HCN1: variants seen among roughly 807,000 people sequenced by gnomAD.
HCN1 encodes the protein hyperpolarization activated cyclic nucleotide gated potassium channel 1.
Under a neutral mutation model 78.9 loss-of-function variants are expected in HCN1, and 13 were observed. The observed-to-expected ratio is 0.16, with a 90% confidence interval of 0.11 to 0.26. The LOEUF is 0.26. HCN1 is among the 10% of genes least tolerant of loss of function. The pLI is 1.00. For synonymous variants in HCN1, 552 were observed against 455.5 expected (o/e 1.21, Z -2.70); for missense variants, 810 against 1,154.3 (o/e 0.70, Z 4.32).
chr5:45,568,758 G>T (rs1743767252), intron 2 of HCN1, among the ~76,000 whole-genome samples: 1 of 151,990 alleles, frequency 6.6e-6, no homozygotes, highest in Non-Finnish European at 1.5e-5. Context: ...AAACCACTAG[G>T]TTCTTTTTTT....
intron 4 of HCN1, among the ~76,000 whole-genome samples, chr5:45,393,736 G>T (rs189894388): frequency 1.3e-5 from 2 of 152,138 alleles, no homozygotes; most frequent in African/African-American, 4.8e-5. Context: ...TGTGAAGGAC[G>T]CTTTTGGATT....
rs561760049 is a variant in HCN1 at position 45,368,658 on chromosome 5, A to C, written c.1231-15412T>G. Among the ~76,000 whole-genome samples the C allele has an allele frequency of 3.9e-5, 6 of 152,106 alleles. No individual in the cohort carries two copies. The South Asian group carries it at 1.2e-3, about 32-fold the overall frequency. ...ATCTCCACTTGGGTGTGTACTGAAG[A>C]TTTAACATTTAACGCATCCAAAGCT... On this transcript the variant is annotated intron_variant, in intron 4 of 7. Coordinates refer to ENST00000303230, the MANE Select transcript of HCN1 (RefSeq NM_021072.4).
intron 1 of HCN1, among the ~76,000 whole-genome samples, chr5:45,693,867 A>AT (rs1739957712): frequency 6.6e-6 from 1 of 152,178 alleles, no homozygotes; most frequent in African/African-American, 2.4e-5. Flanking sequence ...AAAGTTCAGC[A>AT]TTTTTGCATG....
At chr5:45,306,696 C>T (rs1259637929) in intron 5 of HCN1, among the ~76,000 whole-genome samples, 1 of 152,070 alleles carries the variant, frequency 6.6e-6, no homozygotes, top group Non-Finnish European at 1.5e-5. Flanking sequence ...TAATCAATCA[C>T]CTTTCCTTAG....
chr5:45,376,823 A>T (rs1747690947), intron 4 of HCN1, among the ~76,000 whole-genome samples: 1 of 151,938 alleles, frequency 6.6e-6, no homozygotes, highest in South Asian at 2.1e-4. Context: ...TATCTGTCAT[A>T]TATTGGTAAG....
At chr5:45,593,032 T>C (rs1375025574) in intron 2 of HCN1, among the ~76,000 whole-genome samples, 2 of 152,198 alleles carry the variant, frequency 1.3e-5, no homozygotes, top group African/African-American at 4.8e-5. Context: ...TTTAATAAAA[T>C]ATCTACTTGT....
intron 3 of HCN1, among the ~76,000 whole-genome samples, chr5:45,400,764 C>T (rs574076800): frequency 6.6e-6 from 1 of 152,204 alleles, no homozygotes; most frequent in African/African-American, 2.4e-5. Flanking sequence ...CCATTCTTCA[C>T]ATGTTTCCAT....
intron 1 of HCN1, among the ~76,000 whole-genome samples, chr5:45,656,960 T>C (rs1745773460): frequency 6.6e-6 from 1 of 152,166 alleles, no homozygotes; most frequent in South Asian, 2.1e-4. Flanking sequence ...TGTTTAAAGA[T>C]GTTATTTGAT....
chr5:45,492,392 A>AATATATATATAT (rs35781186), intron 2 of HCN1, among the ~76,000 whole-genome samples: 1,246 of 121,220 alleles, frequency 0.01, 5 homozygotes, highest in African/African-American at 0.014. Context: ...TCTTTAAATG[A>AATATATATATAT]ATATATATAT....
At chr5:45,653,174 T>C (rs376354759) in intron 1 of HCN1, among the ~76,000 whole-genome samples, 14 of 151,994 alleles carry the variant, frequency 9.2e-5, no homozygotes, top group African/African-American at 2.4e-4. Flanking sequence ...AAATGACAAC[T>C]GGGATTTCCT....
At chr5:45,288,412 G>T (rs972695064) in intron 6 of HCN1, among the ~76,000 whole-genome samples, 2 of 151,944 alleles carry the variant, frequency 1.3e-5, no homozygotes, top group African/African-American at 4.8e-5. Flanking sequence ...TGGCAAAAAA[G>T]AATACACCCT....
rs184129664 is a variant in HCN1, at chr5:45,325,221, G to T, written c.1378-21382C>A. Among the ~76,000 whole-genome samples the T allele has an allele frequency of 1.3e-4, 19 of 151,770 alleles. No individual in the cohort carries two copies. The East Asian group carries it at 3.7e-3, about 30-fold the overall frequency. On this transcript the variant is annotated intron_variant, in intron 5 of 7. Transcript: ENST00000303230. ...CAGCACCTCTGCGGACTCATTTATG[G>T]TATTTTTTCTAAATTAGCCAGGTTC...
At chr5:45,282,963 T>C (rs970930191) in intron 6 of HCN1, among the ~76,000 whole-genome samples, 3 of 152,272 alleles carry the variant, frequency 2.0e-5, no homozygotes, top group Non-Finnish European at 4.4e-5. Flanking sequence ...AAATCATCAG[T>C]AATAAAAATA....
intron 6 of HCN1, among the ~76,000 whole-genome samples, chr5:45,303,030 T>C (rs1234118750): frequency 1.3e-5 from 2 of 152,098 alleles, no homozygotes; most frequent in Non-Finnish European, 2.9e-5. Flanking sequence ...AATACAAATT[T>C]CTGTAAATTT....
chr5:45,370,582 C>T (rs1185655825), intron 4 of HCN1, among the ~76,000 whole-genome samples: 1 of 151,932 alleles, frequency 6.6e-6, no homozygotes, highest in Non-Finnish European at 1.5e-5. Flanking sequence ...ATAGAAACTA[C>T]ATATTTTTAT....
intron 2 of HCN1, among the ~76,000 whole-genome samples, chr5:45,533,496 C>A (rs1203717068): frequency 6.6e-6 from 1 of 152,180 alleles, no homozygotes; most frequent in South Asian, 2.1e-4. Context: ...CCCAGCTCTT[C>A]CTTTGTCAAG....
intron 2 of HCN1, among the ~76,000 whole-genome samples, chr5:45,584,077 A>G (rs954847903): frequency 6.6e-5 from 10 of 151,958 alleles, no homozygotes; most frequent in South Asian, 4.2e-4. Context: ...CAATTCCTGG[A>G]TATCCTTGTT....
chr5:45,443,992 A>T (rs906778950), intron 3 of HCN1, among the ~76,000 whole-genome samples: 4 of 152,156 alleles, frequency 2.6e-5, no homozygotes, highest in African/African-American at 9.6e-5. Context: ...AGCTACACAT[A>T]AGAAATGTAC....
At chr5:45,583,047 G>A (rs1017482502) in intron 2 of HCN1, among the ~76,000 whole-genome samples, 1 of 152,030 alleles carries the variant, frequency 6.6e-6, no homozygotes, top group Admixed American at 6.6e-5. Flanking sequence ...CATAAAATGA[G>A]TTAGGGAGGA....
Sources: allele counts gnomAD v4.1 joint callset (sites outside exome capture counted in the v4.1 genomes callset), GRCh38; gene constraint gnomAD v4.1.1; transcripts MANE v1.5; gene names NCBI Gene and HGNC (gene_info 2026-07-23, HGNC 2026-07-21).